Variants in KIF21A observed in about 807,000 individuals in gnomAD.
The protein encoded by KIF21A is kinesin family member 21A.
In KIF21A, 114 loss-of-function variants were observed where a neutral mutation model predicts 202.9. That is an observed-to-expected ratio of 0.56 (90% CI 0.48 to 0.66). The LOEUF is 0.66. KIF21A is among the 30% of genes least tolerant of loss of function. The pLI, the probability that KIF21A is intolerant of heterozygous loss-of-function variation, is 0.00. For synonymous variants in KIF21A, 667 were observed against 670.8 expected (o/e 0.99, Z 0.09); for missense variants, 1,677 against 1,994.9 (o/e 0.84, Z 3.04).
At chr12:39,336,973 C>T (rs1947029862) in intron 17 of KIF21A, 123 bp downstream of exon 17, 2 of 691,030 alleles carry the variant, frequency 2.9e-6, no homozygotes, top group East Asian at 5.4e-5. Flanking sequence ...AAAGTGTATG[C>T]TTATCTATTG....
chr12:39,379,627 C>G (rs1371172456), intron 1 of KIF21A, among the ~76,000 whole-genome samples: 1 of 152,168 alleles, frequency 6.6e-6, no homozygotes, highest in African/African-American at 2.4e-5. Flanking sequence ...TGAAGCTCAG[C>G]AATGGGAGGT....
Position 39,333,051 on chromosome 12 carries a change from A to C in KIF21A, c.2544T>G (p.Val848=), listed in dbSNP as rs1304391800. The C allele has an allele frequency of 6.2e-7, 1 of 1,614,062 alleles. No individual in the cohort carries two copies. The highest frequency in any genetic ancestry group is 8.5e-7 in the Non-Finnish European group (1 of 1,180,006). Residue 848 remains valine (V), a synonymous_variant, in exon 19 of 38, where the codon GTT becomes GTG. Coordinates refer to ENST00000361418, the MANE Select transcript of KIF21A (RefSeq NM_001173464.2). ...RPMSDKVAGK[V]TRKLSSSDAP... ...CATCAGATGAACTCAGCTTCCGAGT[A>C]ACTTTCCCAGCCACTTTATCTGACA...
At chr12:39,358,129 G>T in intron 8 of KIF21A, 49 bp downstream of exon 8, 1 of 1,491,048 alleles carries the variant, frequency 6.7e-7, no homozygotes, top group Non-Finnish European at 9.4e-7. Flanking sequence ...TTCAGAAAGT[G>T]CCAGCCTTAG....
intron 1 of KIF21A, among the ~76,000 whole-genome samples, chr12:39,397,317 A>G (rs1262886184): frequency 6.6e-6 from 1 of 152,202 alleles, no homozygotes; most frequent in Non-Finnish European, 1.5e-5. Flanking sequence ...ATTATTTTAA[A>G]TTATAATGTC....
intron 1 of KIF21A, among the ~76,000 whole-genome samples, chr12:39,375,617 AG>A (rs1950222908): frequency 6.6e-6 from 1 of 152,122 alleles, no homozygotes; most frequent in African/African-American, 2.4e-5. Flanking sequence ...ATGGATTGAA[AG>A]GGAACAGAGC....
At chr12:39,367,192 T>C in intron 4 of KIF21A, 28 bp from the exon 5 acceptor site, 3 of 1,613,110 alleles carry the variant, frequency 1.9e-6, no homozygotes, top group South Asian at 2.2e-5. Context: ...ACAAGGACTT[T>C]ACTTGAACAA....
chr12:39,361,522 C>A (rs1282573218), intron 7 of KIF21A, among the ~76,000 whole-genome samples: 1 of 131,732 alleles, frequency 7.6e-6, no homozygotes, highest in South Asian at 2.5e-4. Flanking sequence ...AACTTTCTTT[C>A]TTTTTTTTTT....
At chr12:39,392,177 G>A (rs1454628751) in intron 1 of KIF21A, among the ~76,000 whole-genome samples, 1 of 152,208 alleles carries the variant, frequency 6.6e-6, no homozygotes, top group African/African-American at 2.4e-5. Flanking sequence ...CCAGCGAAGA[G>A]AGAGCAACAT....
chr12:39,332,421 C>G lies in KIF21A; in HGVS notation c.2857-13G>C, dbSNP rs1489088714. On this transcript the variant is annotated splice_polypyrimidine_tract_variant and intron_variant, in intron 20 of 37. Coordinates refer to ENST00000361418, the MANE Select transcript of KIF21A (RefSeq NM_001173464.2). ...GTTCCTCCCGTTGCTATTGAGAAAG[C>G]AGGTTGGATTTTAAGAAATTATGTT... The G allele has an allele frequency of 6.2e-7, 1 of 1,612,922 alleles. No individual in the cohort carries two copies. The highest frequency in any genetic ancestry group is 1.7e-5 in the Admixed American group (1 of 59,988).
chr12:39,309,766 T>C lies in KIF21A; in HGVS notation c.4097A>G (p.Asp1366Gly). ...CAGATTCCATACTTTACAAGTACGA[T>C]CTAAAACAAACACATAAAAAAAAGA... is the stretch of plus-strand genomic sequence containing the variant. ...TDDLLFTGSK[D>G]RTCKVWNLVT... The change falls in exon 33 of 38, where the codon GAT (aspartate) becomes GGT (glycine). Residue 1366 changes from aspartate to glycine, a missense_variant and splice_region_variant. Asp to Gly is a moderately conservative substitution (Grantham distance 94). This residue lies in a region of KIF21A where 705 missense variants were observed against 791.9 expected (regional missense o/e 0.89). Coordinates refer to ENST00000361418, the MANE Select transcript of KIF21A (RefSeq NM_001173464.2). 1 of 1,612,258 alleles carries C rather than the reference T, an allele frequency of 6.2e-7. No homozygotes were observed. Among genetic ancestry groups the C allele is most frequent in the South Asian group, 1.1e-5 (1 of 91,030 alleles).
At chr12:39,328,934 A>G (rs1406296905) in intron 24 of KIF21A, among the ~76,000 whole-genome samples, 2 of 152,124 alleles carry the variant, frequency 1.3e-5, no homozygotes, top group African/African-American at 2.4e-5. Context: ...ACAGATCTCA[A>G]TCATTGCCTT....
At chr12:39,407,898 C>CTAA (rs1952732823) in intron 1 of KIF21A, among the ~76,000 whole-genome samples, 1 of 146,924 alleles carries the variant, frequency 6.8e-6, no homozygotes, top group Non-Finnish European at 1.5e-5. Context: ...ATATATTTAG[C>CTAA]ATATAAATAT....
intron 1 of KIF21A, among the ~76,000 whole-genome samples, chr12:39,390,107 T>G (rs1951236939): frequency 6.6e-6 from 1 of 152,080 alleles, no homozygotes; most frequent in Non-Finnish European, 1.5e-5. Context: ...ACACCTAACC[T>G]CCTATATATA....
intron 1 of KIF21A, 133 bp from the exon 2 acceptor site, chr12:39,370,394 A>G: frequency 1.5e-6 from 1 of 668,512 alleles, no homozygotes; most frequent in Admixed American, 2.7e-5. Context: ...ATTCAGTTGA[A>G]AAGTTTAAAT....
chr12:39,379,967 T>C (rs1446143533), intron 1 of KIF21A, among the ~76,000 whole-genome samples: 1 of 152,132 alleles, frequency 6.6e-6, no homozygotes, highest in Non-Finnish European at 1.5e-5. Flanking sequence ...ACAACACTTT[T>C]TGTTTTTTTG....
Position 39,370,047 on chromosome 12 carries a change from A to G in KIF21A, c.259T>C (p.Tyr87His). 6.2e-7 allele frequency: 1 copy of G among 1,612,742 alleles called. No homozygotes were observed. Among genetic ancestry groups the G allele is most frequent in the Non-Finnish European group, 8.5e-7 (1 of 1,178,868 alleles). Residue 87 changes from tyrosine to histidine, a missense_variant, in exon 2 of 38, where the codon TAT becomes CAT. Transcript: ENST00000361418. ...AATAATATGGCACTTACTTGTCCAT[A>G]AGCAAAAACTGTAGCATTGTATCCT... ...FEGYNATVFAYGQTGAGKTYT... is the reference protein window; with the variant it reads ...FEGYNATVFAHGQTGAGKTYT...
chr12:39,366,880 C>A (rs1436492715), intron 5 of KIF21A, 150 bp downstream of exon 5: 6 of 802,078 alleles, frequency 7.5e-6, no homozygotes, highest in Non-Finnish European at 1.2e-5. Flanking sequence ...ACATGGCTGA[C>A]CAGCTTCAAC....
intron 30 of KIF21A, among the ~76,000 whole-genome samples, chr12:39,315,455 T>C (rs1392155773): frequency 6.6e-6 from 1 of 152,020 alleles, no homozygotes; most frequent in Non-Finnish European, 1.5e-5. Flanking sequence ...GCTTCCTTAG[T>C]GTTTATTTCC....
chr12:39,435,684 C>T (rs1301695618), intron 1 of KIF21A, among the ~76,000 whole-genome samples: 1 of 151,716 alleles, frequency 6.6e-6, no homozygotes. Flanking sequence ...CACACTCCAG[C>T]CACCTTCCGT....
Sources: gnomAD v4.1 joint callset for allele counts (sites outside exome capture counted in the v4.1 genomes callset) on GRCh38, gnomAD v4.1.1 for gene constraint, gnomAD v4.1.1 regional missense constraint, MANE v1.5 for transcripts, NCBI Gene and HGNC (gene_info 2026-07-23, HGNC 2026-07-21) for gene names.